Variants in PKP1 observed in about 807,000 individuals in gnomAD.
The protein encoded by PKP1 is plakophilin-1.
In PKP1, 27 loss-of-function variants were observed where a neutral mutation model predicts 76.4. The ratio of observed to expected loss-of-function variants is 0.35; its 90% CI spans 0.26 to 0.49. The LOEUF (loss-of-function observed/expected upper bound fraction) is 0.49. PKP1 is among the 20% of genes least tolerant of loss of function. The probability of loss-of-function intolerance (pLI) is 0.99; values close to 1 mark genes in which losing one functional copy is unlikely to be tolerated. For synonymous variants in PKP1, 404 were observed against 384.2 expected (o/e 1.05, Z -0.60); for missense variants, 964 against 955.2 (o/e 1.01, Z -0.12).
chr1:201,309,250 T>A (rs1656462340), intron 2 of PKP1, among the ~76,000 whole-genome samples: 1 of 151,758 alleles, frequency 6.6e-6, no homozygotes, highest in Admixed American at 6.6e-5. Flanking sequence ...GAGCTTTCAG[T>A]GTGGGGTTAA....
At position 201,283,518 on chromosome 1, in the gene PKP1, G is replaced by T; in HGVS notation, c.-185G>T. The T allele has an allele frequency of 1.5e-6, 1 of 659,230 alleles. No individual in the cohort carries two copies. The highest frequency in any genetic ancestry group is 1.7e-5 in the South Asian group (1 of 58,256). 40.8% of individuals were successfully genotyped at this position (659,230 alleles called of 1,614,324 possible). On this transcript the variant is annotated 5_prime_UTR_variant, in exon 1 of 14. Transcript: ENST00000367324. The stretch of plus-strand genomic sequence containing the variant: ...GGCGGGCCTCGCCAGTGCCAGAGAG[G>T]GACGAACCAGGGTGGAAGCGCCAGG...
chr1:201,322,721 C>A (rs1456330844), intron 8 of PKP1, among the ~76,000 whole-genome samples: 1 of 152,164 alleles, frequency 6.6e-6, no homozygotes, highest in Admixed American at 6.5e-5. Context: ...AAGGTTTGGG[C>A]CAAGGCTGCC....
chr1:201,292,591 G>A (rs1655950273), intron 1 of PKP1, among the ~76,000 whole-genome samples: 1 of 152,168 alleles, frequency 6.6e-6, no homozygotes, highest in Admixed American at 6.5e-5. Context: ...TCTACTCCCA[G>A]CTCAGATATT....
At chr1:201,293,844 G>A (rs1655996734) in intron 1 of PKP1, 98 bp from the exon 2 acceptor site, 1 of 788,484 alleles carries the variant, frequency 1.3e-6, no homozygotes, top group South Asian at 1.5e-5. Context: ...TCTCCTCCAT[G>A]GGCATAGTGG....
rs769244881 is a variant in PKP1, at chr1:201,293,981, G to A, written c.242G>A (p.Gly81Glu). The part of the protein sequence containing the change: ...YDGLADNYNY[G>E]TTSRSSYYSK... ...GGCTTGGCTGACAATTACAACTATGGGACCACCAGCAGGAGCAGCTACTAC... is the reference window on the plus strand; with the variant it reads ...GGCTTGGCTGACAATTACAACTATGAGACCACCAGCAGGAGCAGCTACTAC... Residue 81 changes from glycine to glutamate, a missense_variant, in exon 2 of 14, where the codon GGG (glycine) becomes GAG (glutamate). Gly to Glu is a moderately conservative substitution (Grantham distance 98). Coordinates refer to ENST00000367324, the MANE Select transcript of PKP1 (RefSeq NM_001005337.3). 4.7e-5 allele frequency: 76 copies of A among 1,613,724 alleles called. No individual in the cohort carries two copies. The highest frequency in any genetic ancestry group is 1.3e-4 in the Admixed American group (8 of 59,988).
intron 1 of PKP1, among the ~76,000 whole-genome samples, chr1:201,293,364 T>A (rs906578228): frequency 2.0e-5 from 3 of 152,188 alleles, no homozygotes; most frequent in African/African-American, 7.2e-5. Context: ...CATTAATTAA[T>A]CCTCACTGGG....
chr1:201,284,620 G>T (rs1184334869), intron 1 of PKP1, among the ~76,000 whole-genome samples: 1 of 152,198 alleles, frequency 6.6e-6, no homozygotes. Context: ...GCCGCCCCAG[G>T]GCCAGTGGGT....
In PKP1 at chr1:201,325,887, GC is replaced by G. The variant is rs780642088; in HGVS notation, c.2106+50del. The G allele has an allele frequency of 1.1e-4, 164 of 1,427,406 alleles. No individual in the cohort carries two copies. In the Admixed American group the frequency reaches 2.8e-3, roughly 24 times the overall value. 88.4% of individuals were successfully genotyped at this position (1,427,406 alleles called of 1,614,324 possible). The stretch of plus-strand genomic sequence containing the variant: ...CTTCTGAGGTTCTTCCTGCTCATGA[GC>G]AGAGGGCCTGGCATATGCTGGGCTC... On this transcript the variant is annotated intron_variant, in intron 12 of 13. Coordinates refer to ENST00000367324, the MANE Select transcript of PKP1 (RefSeq NM_001005337.3).
Position 201,283,738 on chromosome 1 carries a change from C to G in PKP1, c.36C>G (p.Tyr12Ter). 1 of 1,613,878 alleles carries G rather than the reference C, an allele frequency of 6.2e-7. No individual in the cohort carries two copies. The highest frequency in any genetic ancestry group is 8.5e-7 in the Non-Finnish European group (1 of 1,179,886). Residue 12 changes from tyrosine to a stop codon, truncating the protein, a stop_gained, in exon 1 of 14, where the codon TAC becomes TAG. Coordinates refer to ENST00000367324, the MANE Select transcript of PKP1 (RefSeq NM_001005337.3). LOFTEE classifies it high-confidence loss of function. Reference sequence around the variant, plus strand: ...CGCCGCTCAAGACCGCCTTGGCGTACGAATGCTTCCAGGACCAGGACAACT... The same window carrying G: ...CGCCGCTCAAGACCGCCTTGGCGTAGGAATGCTTCCAGGACCAGGACAACT... ...NHSPLKTALA[Y>*]ECFQDQDNST...
intron 2 of PKP1, among the ~76,000 whole-genome samples, chr1:201,311,599 C>A (rs1333742019): frequency 6.6e-6 from 1 of 152,130 alleles, no homozygotes. Context: ...AGGACCAAGT[C>A]GAGTGCCAGC....
rs200423351 is a variant in PKP1, at chr1:201,313,274, G to A, written c.415G>A (p.Gly139Ser). 1.9e-4 allele frequency: 304 copies of A among 1,603,896 alleles called. No homozygotes were observed. The highest frequency in any genetic ancestry group is 3.3e-4 in the Middle Eastern group (2 of 6,074). Residue 139 changes from glycine to serine, a missense_variant, in exon 3 of 14, where the codon GGC becomes AGC. Transcript: ENST00000367324. ...CCCCCGGGGCAGCTGTAACACCACC[G>A]GCGCAGGCAGCGACATCTGCTTCAT... is the stretch of plus-strand genomic sequence containing the variant. ...HYPRGSCNTT[G>S]AGSDICFMQK...
Position 201,313,234 on chromosome 1 carries a change from C to T in PKP1, c.375C>T (p.Asn125=), listed in dbSNP as rs769907783. The T allele has an allele frequency of 1.2e-5, 19 of 1,604,416 alleles. No individual in the cohort carries two copies. The East Asian group carries it at 3.4e-4, about 28-fold the overall frequency. ...RRFSSYSQME[N]WSRHYPRGSC... ...TCAGCTCCTACAGCCAGATGGAGAA[C>T]TGGAGCCGGCACTACCCCCGGGGCA... The change falls in exon 3 of 14, where the codon AAC becomes AAT. Residue 125 remains asparagine (N), a synonymous_variant. Coordinates refer to ENST00000367324, the MANE Select transcript of PKP1 (RefSeq NM_001005337.3).
At chr1:201,305,706 G>A (rs1656349657) in intron 2 of PKP1, among the ~76,000 whole-genome samples, 1 of 152,136 alleles carries the variant, frequency 6.6e-6, no homozygotes. Context: ...GGGCCAGCCA[G>A]CCTCTCCCTC....
intron 2 of PKP1, among the ~76,000 whole-genome samples, chr1:201,298,464 A>C (rs1656134810): frequency 6.6e-6 from 1 of 152,214 alleles, no homozygotes; most frequent in Non-Finnish European, 1.5e-5. Context: ...CACCCTGAGC[A>C]CTTCTTCTGG....
intron 1 of PKP1, among the ~76,000 whole-genome samples, chr1:201,286,961 A>C (rs1655759415): frequency 6.6e-6 from 1 of 152,054 alleles, no homozygotes; most frequent in South Asian, 2.1e-4. Context: ...GCCCTAACCC[A>C]AGCGCTCCCC....
At chr1:201,289,341 C>T (rs1288241861) in intron 1 of PKP1, among the ~76,000 whole-genome samples, 1 of 152,154 alleles carries the variant, frequency 6.6e-6, no homozygotes, top group East Asian at 1.9e-4. Flanking sequence ...AGAAAATGAG[C>T]TTCCTTTCTC....
At chr1:201,326,733 TAC>T (rs904858383) in intron 12 of PKP1, among the ~76,000 whole-genome samples, 2 of 152,206 alleles carry the variant, frequency 1.3e-5, no homozygotes, top group African/African-American at 4.8e-5. Flanking sequence ...AGAGCTACCA[TAC>T]AGAGTGGAGC....
rs1015564708 is a variant in PKP1 at position 201,330,472 on chromosome 1, C to T, written c.*431C>T. The T allele has an allele frequency of 6.6e-6, 1 of 152,186 alleles. No individual in the cohort carries two copies. Among genetic ancestry groups the T allele is most frequent in the Non-Finnish European group, 1.5e-5 (1 of 68,056 alleles). The allele number at this position is 152,186 out of a possible 1,614,324, so 9.4% of individuals were successfully genotyped here. On this transcript the variant is annotated 3_prime_UTR_variant, in exon 14 of 14. Coordinates refer to ENST00000367324, the MANE Select transcript of PKP1 (RefSeq NM_001005337.3). Reference sequence around the variant, plus strand: ...CTCATAAGGTGGTGAAAAGGACTCTCCTGTGTTTCTTACTCATAGGCAAGG... The same window carrying T: ...CTCATAAGGTGGTGAAAAGGACTCTTCTGTGTTTCTTACTCATAGGCAAGG...
intron 2 of PKP1, among the ~76,000 whole-genome samples, chr1:201,298,581 T>A (rs1445837559): frequency 1.3e-5 from 2 of 151,812 alleles, no homozygotes; most frequent in African/African-American, 4.8e-5. Flanking sequence ...CAGAGGGAGG[T>A]CTGGAACAGG....
Sources: gnomAD v4.1 joint callset for allele counts (sites outside exome capture counted in the v4.1 genomes callset) on GRCh38, gnomAD v4.1.1 for gene constraint, MANE v1.5 for transcripts, NCBI Gene and HGNC (gene_info 2026-07-23, HGNC 2026-07-21) for gene names.